Variants in ZMYM4 observed in about 807,000 individuals in gnomAD.
The protein encoded by ZMYM4 is zinc finger MYM-type protein 4.
ZMYM4 carries 31 observed loss-of-function variants against 183.2 expected under a neutral mutation model. The ratio of observed to expected loss-of-function variants is 0.17; its 90% CI spans 0.13 to 0.23. ZMYM4 has a LOEUF of 0.23. Among genes scored for constraint, ZMYM4 ranks in the 10% least tolerant of loss-of-function variants. ZMYM4 has a pLI of 1.00. For missense variants in ZMYM4, 1,273 were observed against 1,840.3 expected (o/e 0.69, Z 5.64); for synonymous variants, 592 against 631.2 (o/e 0.94, Z 0.93).
chr1:35,414,231 T>C, intron 27 of ZMYM4, 148 bp downstream of exon 27: 1 of 595,914 alleles, frequency 1.7e-6, no homozygotes, highest in South Asian at 2.2e-5. Flanking sequence ...TTTGGTTTAT[T>C]GTTGATTGTT....
At chr1:35,289,351 G>A (rs576961793) in intron 1 of ZMYM4, among the ~76,000 whole-genome samples, 2 of 152,044 alleles carry the variant, frequency 1.3e-5, no homozygotes, top group South Asian at 2.1e-4. Context: ...ATGAGAATTG[G>A]TTGGGATATA....
intron 1 of ZMYM4, among the ~76,000 whole-genome samples, chr1:35,319,812 T>C (rs1218429324): frequency 6.6e-6 from 1 of 152,192 alleles, no homozygotes; most frequent in African/African-American, 2.4e-5. Flanking sequence ...TTTGGAGTGG[T>C]CTGTTGAAAG....
chr1:35,378,789 A>G (rs1644388537), intron 7 of ZMYM4, among the ~76,000 whole-genome samples: 1 of 152,204 alleles, frequency 6.6e-6, no homozygotes, highest in Non-Finnish European at 1.5e-5. Context: ...AATCTTATTT[A>G]GTGTAGCCGC....
chr1:35,295,283 T>G (rs1640951144), intron 1 of ZMYM4, among the ~76,000 whole-genome samples: 1 of 152,084 alleles, frequency 6.6e-6, no homozygotes, highest in African/African-American at 2.4e-5. Context: ...TGAGAAGTCA[T>G]ATGGGTATCT....
intron 2 of ZMYM4, among the ~76,000 whole-genome samples, chr1:35,336,384 A>G (rs1642976243): frequency 6.6e-6 from 1 of 150,738 alleles, no homozygotes; most frequent in Non-Finnish European, 1.5e-5. Flanking sequence ...ATGAGTCACA[A>G]TTACCTTTTT....
At chr1:35,335,218 C>G (rs1026309284) in intron 2 of ZMYM4, among the ~76,000 whole-genome samples, 1 of 150,154 alleles carries the variant, frequency 6.7e-6, no homozygotes, top group African/African-American at 2.4e-5. Flanking sequence ...TGTGTTACCA[C>G]TTGCTTTTAT....
intron 27 of ZMYM4, among the ~76,000 whole-genome samples, 195 bp downstream of exon 27, chr1:35,414,278 G>T (rs1427312531): frequency 6.6e-6 from 1 of 152,172 alleles, no homozygotes; most frequent in Non-Finnish European, 1.5e-5. Flanking sequence ...CACATGTATA[G>T]ATACTGATTG....
chr1:35,377,032 G>T (rs1245949948), intron 7 of ZMYM4, among the ~76,000 whole-genome samples: 1 of 151,842 alleles, frequency 6.6e-6, no homozygotes, highest in Admixed American at 6.6e-5. Context: ...TCAGCTTCCC[G>T]AGTAGCTGGG....
At chr1:35,316,273 C>T (rs867644262) in intron 1 of ZMYM4, among the ~76,000 whole-genome samples, 2 of 152,194 alleles carry the variant, frequency 1.3e-5, no homozygotes, top group Middle Eastern at 3.4e-3. Flanking sequence ...ATTAGTAGTC[C>T]TTCTCAAGAC....
chr1:35,415,882 T>C (rs1640094409), intron 28 of ZMYM4, among the ~76,000 whole-genome samples, 168 bp downstream of exon 28: 1 of 152,188 alleles, frequency 6.6e-6, no homozygotes, highest in Admixed American at 6.5e-5. Context: ...GGCCTCAAAG[T>C]GAGAGGAATC....
At chr1:35,369,228 A>G (rs951014780) in intron 5 of ZMYM4, among the ~76,000 whole-genome samples, 4 of 152,360 alleles carry the variant, frequency 2.6e-5, no homozygotes, top group Admixed American at 1.3e-4. Flanking sequence ...TAAATCTATT[A>G]TGTAATGATT....
At chr1:35,330,605 C>G (rs1216605580) in intron 2 of ZMYM4, among the ~76,000 whole-genome samples, 1 of 152,142 alleles carries the variant, frequency 6.6e-6, no homozygotes, top group Non-Finnish European at 1.5e-5. Flanking sequence ...CCATTGTTAT[C>G]AAGAATAAAA....
chr1:35,360,651 C>G (rs1343475715), intron 3 of ZMYM4, among the ~76,000 whole-genome samples: 1 of 152,008 alleles, frequency 6.6e-6, no homozygotes, highest in African/African-American at 2.4e-5. Flanking sequence ...GTGCCAATGT[C>G]CAGCTGAATA....
At chr1:35,318,855 T>C (rs1053095327) in intron 1 of ZMYM4, among the ~76,000 whole-genome samples, 1 of 152,216 alleles carries the variant, frequency 6.6e-6, no homozygotes, top group Admixed American at 6.5e-5. Context: ...CAATATTTTT[T>C]CATTTCCCTA....
intron 1 of ZMYM4, among the ~76,000 whole-genome samples, chr1:35,316,446 A>G (rs555243991): frequency 6.6e-6 from 1 of 152,342 alleles, no homozygotes; most frequent in Non-Finnish European, 1.5e-5. Context: ...CAATTGCATA[A>G]AGTATAAACT....
intron 5 of ZMYM4, among the ~76,000 whole-genome samples, chr1:35,363,162 C>CT (rs962478337): frequency 2.0e-5 from 3 of 151,396 alleles, no homozygotes; most frequent in African/African-American, 2.4e-5. Flanking sequence ...CAGAGTGAGA[C>CT]TTTTTTTTTG....
At chr1:35,370,805 G>T in intron 7 of ZMYM4, 178 bp downstream of exon 7, 1 of 690,822 alleles carries the variant, frequency 1.4e-6, no homozygotes. Flanking sequence ...CAGTCTTCCA[G>T]GTGCTAGGTG....
chr1:35,307,923 G>C lies in ZMYM4; in HGVS notation c.40-17437G>C, dbSNP rs1391011453. On this transcript the variant is annotated intron_variant, in intron 1 of 29. Coordinates refer to ENST00000314607, the MANE Select transcript of ZMYM4 (RefSeq NM_005095.3). Reference sequence around the variant, plus strand: ...CGGCTCACTGCAACCTCCGCCTCCCGGGTTCAAGTGATTCACCTGCCTCAG... The same window carrying C: ...CGGCTCACTGCAACCTCCGCCTCCCCGGTTCAAGTGATTCACCTGCCTCAG... Among the ~76,000 whole-genome samples the C allele has an allele frequency of 2.0e-5, 3 of 151,880 alleles. No individual in the cohort carries two copies. In the South Asian group the frequency reaches 6.2e-4, roughly 32 times the overall value.
chr1:35,315,898 CCTGGGTG>C, intron 1 of ZMYM4, among the ~76,000 whole-genome samples: 1 of 151,980 alleles, frequency 6.6e-6, no homozygotes, highest in African/African-American at 2.4e-5. Context: ...TGCACCCTGG[CCTGGGTG>C]ACAGAGTGAG....
Sources: gnomAD v4.1 joint callset for allele counts (sites outside exome capture counted in the v4.1 genomes callset) on GRCh38, gnomAD v4.1.1 for gene constraint, MANE v1.5 for transcripts, NCBI Gene and HGNC (gene_info 2026-07-23, HGNC 2026-07-21) for gene names.